Variants in SYNE3 observed in about 807,000 individuals in gnomAD.
SYNE3 encodes nesprin-3.
In SYNE3, 100 loss-of-function variants were observed where a neutral mutation model predicts 111.2. That is an observed-to-expected ratio of 0.90 (90% confidence interval 0.77 to 1.06). The LOEUF (loss-of-function observed/expected upper bound fraction) is 1.06. SYNE3 is among the 50% of genes least tolerant of loss of function. SYNE3 has a pLI of 0.00. For synonymous variants in SYNE3, 547 were observed against 533.9 expected (o/e 1.02, Z -0.34); for missense variants, 1,160 against 1,240.3 (o/e 0.94, Z 0.97).
Position 95,416,141 on chromosome 14 carries a change from C to G in SYNE3, c.*1685G>C, listed in dbSNP as rs148723448. 1 of 152,164 alleles carries G rather than the reference C, an allele frequency of 6.6e-6. No individual in the cohort carries two copies. The highest frequency in any genetic ancestry group is 1.5e-5 in the Non-Finnish European group (1 of 68,032). The allele number at this position is 152,164 out of a possible 1,614,324, so 9.4% of individuals were successfully genotyped here. A position where few individuals can be genotyped will look rare whatever the true frequency, so the allele number is the denominator to read the frequency against. The stretch of plus-strand genomic sequence containing the variant: ...AAAAGTACGCTTTCTGAGTCAGCCC[C>G]AAGGGCTCTCCTTGGCAGCACGGGT... On this transcript the variant is annotated 3_prime_UTR_variant, in exon 18 of 18. Coordinates refer to ENST00000682763, the MANE Select transcript of SYNE3 (RefSeq NM_152592.6).
intron 1 of SYNE3, among the ~76,000 whole-genome samples, chr14:95,501,169 C>T (rs1890321351): frequency 6.6e-6 from 1 of 152,232 alleles, no homozygotes; most frequent in South Asian, 2.1e-4. Flanking sequence ...TCCCAGCCTG[C>T]AAGCTGCTGG....
At chr14:95,479,561 T>C (rs1196180381) in intron 1 of SYNE3, among the ~76,000 whole-genome samples, 1 of 152,022 alleles carries the variant, frequency 6.6e-6, no homozygotes, top group Non-Finnish European at 1.5e-5. Flanking sequence ...GATAGACTAA[T>C]GAATCAGTGC....
At position 95,465,988 on chromosome 14, in the gene SYNE3, G is replaced by A. The variant is rs763359838; in HGVS notation, c.570C>T (p.Asp190=). ...CCTTCATTCTCTTCTGGGCATCTTC[G>A]TCCACGCTGGGGTCCCCGATCCTGT... is the stretch of plus-strand genomic sequence containing the variant. The part of the protein sequence containing the change: ...LFNRIGDPSV[D]EDAQKRMKAE... Residue 190 remains aspartate, a synonymous_variant, in exon 4 of 18, where the codon GAC becomes GAT. Coordinates refer to ENST00000682763, the MANE Select transcript of SYNE3 (RefSeq NM_152592.6). 36 of 1,604,878 alleles carry A rather than the reference G, an allele frequency of 2.2e-5. No individual in the cohort carries two copies. The highest frequency in any genetic ancestry group is 1.7e-4 in the Middle Eastern group (1 of 6,052).
chr14:95,453,317 C>T (rs932037410), intron 6 of SYNE3, among the ~76,000 whole-genome samples: 9 of 152,132 alleles, frequency 5.9e-5, no homozygotes, highest in Non-Finnish European at 1.2e-4. Flanking sequence ...TTGACCATAC[C>T]GACCTCTGAC....
rs59220960 is a variant in SYNE3 at position 95,415,276 on chromosome 14, G to GCCCCCCCCCCCCCCCCCCC, written c.*2549_*2550insGGGGGGGGGGGGGGGGGGG. The GCCCCCCCCCCCCCCCCCCC allele has an allele frequency of 3.4e-3, 478 of 139,558 alleles. No individual in the cohort carries two copies. The highest frequency in any genetic ancestry group is 5.4e-3 in the Admixed American group (73 of 13,626). 8.6% of individuals were successfully genotyped at this position (139,558 alleles called of 1,614,324 possible). On this transcript the variant is annotated 3_prime_UTR_variant, in exon 18 of 18. Transcript: ENST00000682763. ...CATAGGAAAGTGGACACCTGGCAAG[G>GCCCCCCCCCCCCCCCCCCC]CCCCCCCACCCACCCACCCTGCCAC...
chr14:95,491,639 G>A (rs371790861), intron 1 of SYNE3, among the ~76,000 whole-genome samples: 31 of 152,048 alleles, frequency 2.0e-4, no homozygotes, highest in East Asian at 1.5e-3. Flanking sequence ...GAAAACATAC[G>A]CATCAATCTT....
Position 95,482,790 on chromosome 14 carries a change from A to G in SYNE3, c.-14-6955T>C, listed in dbSNP as rs146728142. On this transcript the variant is annotated intron_variant, in intron 1 of 17. Transcript: ENST00000682763. The stretch of plus-strand genomic sequence containing the variant: ...GTATGACAAAAGGTTTGTAGGTATT[A>G]ACTCACTTATCCTACATAGGCCCAG... 2.5e-3 allele frequency among the ~76,000 whole-genome samples: 386 copies of G among 152,348 alleles called. 2 individuals carry two copies. Among genetic ancestry groups the G allele is most frequent in the African/African-American group, 8.5e-3 (352 of 41,564 alleles).
rs574914216 is a variant in SYNE3, at chr14:95,444,969, G to A, written c.1633-341C>T. On this transcript the variant is annotated intron_variant, in intron 9 of 17. Coordinates refer to ENST00000682763, the MANE Select transcript of SYNE3 (RefSeq NM_152592.6). ...ATACATTTATAGCTGCAGTGGTGGT[G>A]CTGAGGAGCTGCGACAGCGACTGCC... Among the ~76,000 whole-genome samples, 535 of 152,322 alleles carry A rather than the reference G, an allele frequency of 3.5e-3. 2 individuals carry two copies. The highest frequency in any genetic ancestry group is 0.012 in the African/African-American group (487 of 41,576).
At chr14:95,455,856 G>T in intron 5 of SYNE3, 132 bp from the exon 6 acceptor site, 1 of 873,194 alleles carries the variant, frequency 1.1e-6, no homozygotes, top group Non-Finnish European at 1.7e-6. Flanking sequence ...CCAGAGAGGG[G>T]CCTTCCCAAG....
intron 5 of SYNE3, among the ~76,000 whole-genome samples, chr14:95,456,503 C>T (rs1206357582): frequency 2.6e-5 from 4 of 152,226 alleles, no homozygotes; most frequent in Non-Finnish European, 5.9e-5. Flanking sequence ...GGCCGCCACC[C>T]AGAGGCAGTA....
At chr14:95,496,265 G>C (rs1046715647) in intron 1 of SYNE3, among the ~76,000 whole-genome samples, 2 of 152,196 alleles carry the variant, frequency 1.3e-5, no homozygotes, top group African/African-American at 2.4e-5. Flanking sequence ...AAACAGATAA[G>C]AGCATCCTGC....
intron 1 of SYNE3, among the ~76,000 whole-genome samples, chr14:95,483,537 T>C (rs1566682846): frequency 6.6e-6 from 1 of 152,144 alleles, no homozygotes; most frequent in Non-Finnish European, 1.5e-5. Flanking sequence ...ATTTTGTTTA[T>C]TTATCACAGA....
intron 17 of SYNE3, among the ~76,000 whole-genome samples, chr14:95,422,387 A>G (rs78703823): frequency 0.022 from 3,276 of 152,236 alleles, 71 homozygotes; most frequent in East Asian, 0.058. Context: ...GAAGAAACTG[A>G]GTCTGGGAGA....
In SYNE3 at chr14:95,455,616, C is replaced by T. The variant is rs112493785; in HGVS notation, c.898G>A (p.Gly300Arg). Residue 300 changes from glycine to arginine, a missense_variant, in exon 6 of 18, where the codon GGA becomes AGA. Gly to Arg is a moderately radical substitution (Grantham distance 125). Coordinates refer to ENST00000682763, the MANE Select transcript of SYNE3 (RefSeq NM_152592.6). ...ACTTTCCTCATCTCTTCCAGTTCTC[C>T]GGTGATCTTCTCTGCACCCAAAGGA... is the stretch of plus-strand genomic sequence containing the variant. ...TSPLGAEKIT[G>R]ELEEMRKVLE... 10 of 1,614,118 alleles carry T rather than the reference C, an allele frequency of 6.2e-6. No homozygotes were observed. Among genetic ancestry groups the T allele is most frequent in the African/African-American group, 1.3e-5 (1 of 74,938 alleles).
chr14:95,475,010 A>G (rs1888792332), intron 2 of SYNE3, among the ~76,000 whole-genome samples: 1 of 152,262 alleles, frequency 6.6e-6, no homozygotes, highest in South Asian at 2.1e-4. Flanking sequence ...AAGGTCACAC[A>G]GCAATCTAGC....
At chr14:95,478,932 C>T (rs1295820656) in intron 1 of SYNE3, among the ~76,000 whole-genome samples, 7 of 152,040 alleles carry the variant, frequency 4.6e-5, no homozygotes, top group African/African-American at 7.3e-5. Flanking sequence ...GTGACCCCAC[C>T]GGCACATGTC....
Position 95,409,544 on chromosome 14 carries a change from G to A in SYNE3, c.*8282C>T, listed in dbSNP as rs1276307559. ...CTCGGCTGGACAAGGTGGTTGGGTT[G>A]GGGATGATGTTACCATGACAACCGG... is the stretch of plus-strand genomic sequence containing the variant. On this transcript the variant is annotated 3_prime_UTR_variant, in exon 18 of 18. Transcript: ENST00000682763. 1 of 384,944 alleles carries A rather than the reference G, an allele frequency of 2.6e-6. No individual in the cohort carries two copies. Among genetic ancestry groups the A allele is most frequent in the Admixed American group, 3.3e-5 (1 of 30,112 alleles). The allele number at this position is 384,944 out of a possible 1,614,324, so 23.8% of individuals were successfully genotyped here.
At position 95,470,486 on chromosome 14, in the gene SYNE3, TAA is replaced by T. The variant is rs59910933; in HGVS notation, c.145-2521_145-2520del. 2.2e-5 allele frequency among the ~76,000 whole-genome samples: 3 copies of T among 134,540 alleles called. No individual in the cohort carries two copies. 88.3% of individuals were successfully genotyped at this position (134,540 alleles called of 152,430 possible). On this transcript the variant is annotated intron_variant, in intron 2 of 17. Transcript: ENST00000682763. The surrounding 1 kb of genome is among the most constrained non-coding windows in gnomAD (Gnocchi z 4.2). Reference sequence around the variant, plus strand: ...TCTCTCCAAAAGCATTTTTTTTAATTAAAAAAAAAAAAAAACTAGCCAGGCAC... The same window carrying T: ...TCTCTCCAAAAGCATTTTTTTTAATTAAAAAAAAAAAAACTAGCCAGGCAC...
intron 17 of SYNE3, among the ~76,000 whole-genome samples, chr14:95,421,296 C>A (rs1283904771): frequency 6.6e-6 from 1 of 152,148 alleles, no homozygotes; most frequent in Non-Finnish European, 1.5e-5. Flanking sequence ...TTAACATACC[C>A]AACAGAGGCT....
Sources: allele counts gnomAD v4.1 joint callset (sites outside exome capture counted in the v4.1 genomes callset), GRCh38; gene constraint gnomAD v4.1.1; non-coding constraint Gnocchi (gnomAD v3.1); transcripts MANE v1.5; gene names NCBI Gene and HGNC (gene_info 2026-07-23, HGNC 2026-07-21).